Variants in STARD13 observed in about 807,000 individuals in gnomAD.
STARD13 encodes the protein StAR related lipid transfer domain containing 13.
A neutral mutation model predicts 106.4 loss-of-function variants in STARD13; 62 were observed. The observed-to-expected ratio is 0.58, with a 90% CI of 0.48 to 0.72. The LOEUF (loss-of-function observed/expected upper bound fraction) is 0.72, where lower values mean the gene tolerates loss of function less well. Ranked by LOEUF, STARD13 falls within the 30% of genes least tolerant of loss-of-function variation. The pLI is 0.00. For synonymous variants in STARD13, 565 were observed against 553.0 expected, an observed-to-expected ratio of 1.02 and a Z score of -0.31; for missense variants, 1,387 against 1,424.0, an observed-to-expected ratio of 0.97 and a Z score of 0.42.
intron 1 of STARD13, among the ~76,000 whole-genome samples, chr13:33,177,988 A>G (rs868051325): frequency 2.7e-4 from 8 of 29,638 alleles, no homozygotes; most frequent in Admixed American, 5.8e-4. Context: ...AAGGAAGGAA[A>G]GGAAGGAAGG....
chr13:33,375,235 G>A, the STARD13 span, among the ~76,000 whole-genome samples: 1 of 152,254 alleles, frequency 6.6e-6, no homozygotes, highest in Non-Finnish European at 1.5e-5. Context: ...ATCCAGATGT[G>A]CCGAAGCCTG....
At chr13:33,150,120 G>A (rs1024576696) in intron 3 of STARD13, among the ~76,000 whole-genome samples, 13 of 152,232 alleles carry the variant, frequency 8.5e-5, no homozygotes, top group African/African-American at 3.1e-4. Flanking sequence ...CTAGAAGGAA[G>A]TTTTATACAT....
intron 13 of STARD13, 97 bp downstream of exon 13, chr13:33,106,661 A>C (rs1406269113): frequency 8.5e-7 from 1 of 1,170,032 alleles, no homozygotes; most frequent in African/African-American, 1.5e-5. Context: ...AAACAAATAC[A>C]GTGAAATAAG....
chr13:33,218,259 A>G (rs1888154245), intron 1 of STARD13, among the ~76,000 whole-genome samples: 1 of 152,218 alleles, frequency 6.6e-6, no homozygotes, highest in Admixed American at 6.5e-5. Flanking sequence ...TATGAGGAAC[A>G]TCTGAGCCCA....
At chr13:33,538,661 C>A in the STARD13 span, among the ~76,000 whole-genome samples, 1 of 148,096 alleles carries the variant, frequency 6.8e-6, no homozygotes, top group Admixed American at 6.8e-5. Flanking sequence ...TAAACAAAGA[C>A]AACATTTCAT....
In STARD13 at chr13:33,129,389, T is replaced by C; in HGVS notation, c.1288A>G (p.Ser430Gly). 1 of 1,614,194 alleles carries C rather than the reference T, an allele frequency of 6.2e-7. No homozygotes were observed. The highest frequency in any genetic ancestry group is 1.1e-5 in the South Asian group (1 of 91,082). The part of the protein sequence containing the change: ...SSNGVNWRTG[S>G]ISLGREQVPG... Reference sequence around the variant, plus strand: ...ACCTGCTCTCTGCCCAGGGAGATGCTACCGGTCCTCCAATTAACCCCATTG... The same window carrying C: ...ACCTGCTCTCTGCCCAGGGAGATGCCACCGGTCCTCCAATTAACCCCATTG... The change falls in exon 5 of 14, where the codon AGC becomes GGC. Residue 430 changes from serine (S) to glycine (G), a missense_variant. Coordinates refer to ENST00000336934, the MANE Select transcript of STARD13 (RefSeq NM_178006.4).
chr13:33,114,073 T>A (rs1875011847), intron 8 of STARD13, among the ~76,000 whole-genome samples: 2 of 152,168 alleles, frequency 1.3e-5, no homozygotes, highest in South Asian at 4.1e-4. Flanking sequence ...CCCACGTGTG[T>A]TTATCTTTTC....
chr13:33,268,230 G>A (rs765228622), intron 1 of STARD13, among the ~76,000 whole-genome samples: 2 of 152,114 alleles, frequency 1.3e-5, no homozygotes, highest in Non-Finnish European at 2.9e-5. Context: ...TGCTAAAATT[G>A]CAGTTTCTAA....
the STARD13 span, among the ~76,000 whole-genome samples, chr13:33,406,673 T>G: frequency 6.6e-6 from 1 of 152,208 alleles, no homozygotes; most frequent in African/African-American, 2.4e-5. Flanking sequence ...CTCCTCGCAC[T>G]TAGAAATACT....
At chr13:33,489,755 G>A in the STARD13 span, among the ~76,000 whole-genome samples, 3 of 152,142 alleles carry the variant, frequency 2.0e-5, no homozygotes, top group Non-Finnish European at 1.5e-5. Flanking sequence ...AAACAGCGAC[G>A]CACCATGGGG....
At chr13:33,573,823 T>G in the STARD13 span, among the ~76,000 whole-genome samples, 2 of 152,188 alleles carry the variant, frequency 1.3e-5, no homozygotes, top group East Asian at 3.8e-4. Context: ...GGTGTTACCT[T>G]TATCTTACCA....
the STARD13 span, among the ~76,000 whole-genome samples, chr13:33,396,769 G>A: frequency 6.6e-6 from 1 of 152,046 alleles, no homozygotes; most frequent in African/African-American, 2.4e-5. Context: ...CAATAAAAAA[G>A]CAGACAAAAT....
intron 1 of STARD13, among the ~76,000 whole-genome samples, chr13:33,218,132 G>C (rs1398282658): frequency 6.6e-6 from 1 of 152,196 alleles, no homozygotes; most frequent in Non-Finnish European, 1.5e-5. Context: ...ATACCTGCTA[G>C]CAACAGCTTA....
At chr13:33,388,122 C>T in the STARD13 span, among the ~76,000 whole-genome samples, 1 of 152,100 alleles carries the variant, frequency 6.6e-6, no homozygotes, top group Non-Finnish European at 1.5e-5. Flanking sequence ...TTTCTCTTCC[C>T]CAACCACCAG....
the STARD13 span, among the ~76,000 whole-genome samples, chr13:33,601,163 G>A: frequency 6.6e-6 from 1 of 151,932 alleles, no homozygotes; most frequent in South Asian, 2.1e-4. Flanking sequence ...CACAATAGAG[G>A]ATAAGGGTTA....
chr13:33,668,298 T>C, the STARD13 span, among the ~76,000 whole-genome samples: 7,002 of 152,146 alleles, frequency 0.046, 543 homozygotes, highest in African/African-American at 0.16. Flanking sequence ...CTAGGAAAAA[T>C]CGAACTGCTA....
At chr13:33,328,769 T>C (rs2077804477) in intron 1 of STARD13, among the ~76,000 whole-genome samples, 1 of 152,194 alleles carries the variant, frequency 6.6e-6, no homozygotes, top group Non-Finnish European at 1.5e-5. Flanking sequence ...TCAGTGGAGG[T>C]AGGCATCAAA....
At chr13:33,666,859 T>TGGC in the STARD13 span, among the ~76,000 whole-genome samples, 1 of 152,220 alleles carries the variant, frequency 6.6e-6, no homozygotes, top group African/African-American at 2.4e-5. Flanking sequence ...CCCAAAGTGC[T>TGGC]GGGATTACAG....
the STARD13 span, among the ~76,000 whole-genome samples, chr13:33,553,709 A>G: frequency 6.6e-6 from 1 of 151,256 alleles, no homozygotes; most frequent in Non-Finnish European, 1.5e-5. Context: ...CCTCCCGAGT[A>G]GCTGGGACTA....
Sources: allele counts gnomAD v4.1 joint callset (sites outside exome capture counted in the v4.1 genomes callset), GRCh38; gene constraint gnomAD v4.1.1; transcripts MANE v1.5; gene names NCBI Gene and HGNC (gene_info 2026-07-23, HGNC 2026-07-21).